The following CALCRL variants were observed in gnomAD, a reference collection of about 807,000 sequenced individuals.
The protein encoded by CALCRL is calcitonin gene-related peptide type 1 receptor.
Under a neutral mutation model 60.4 loss-of-function variants are expected in CALCRL, and 27 were observed. The ratio of observed to expected loss-of-function variants is 0.45; its 90% CI spans 0.33 to 0.62. The LOEUF (loss-of-function observed/expected upper bound fraction) is 0.62. Among genes scored for constraint, CALCRL ranks in the 20% least tolerant of loss-of-function variants. The pLI, the probability that CALCRL is intolerant of heterozygous loss-of-function variation, is 0.03. For synonymous variants in CALCRL, 190 were observed against 182.6 expected, an observed-to-expected ratio of 1.04 and a Z score of -0.33; for missense variants, 424 against 540.7, an observed-to-expected ratio of 0.78 and a Z score of 2.14.
At chr2:187,369,057 C>A (rs750143228) in intron 8 of CALCRL, among the ~76,000 whole-genome samples, 1 of 152,168 alleles carries the variant, frequency 6.6e-6, no homozygotes, top group Non-Finnish European at 1.5e-5. Context: ...AGTATTTCAA[C>A]CAAGGTGCTC....
chr2:187,366,401 A>G (rs1687295100), intron 8 of CALCRL, among the ~76,000 whole-genome samples: 2 of 152,026 alleles, frequency 1.3e-5, no homozygotes, highest in Admixed American at 1.3e-4. Flanking sequence ...AAAGATAGCT[A>G]GAAGAAGAAT....
chr2:187,350,897 T>C (rs542270109), intron 14 of CALCRL, among the ~76,000 whole-genome samples: 1 of 151,738 alleles, frequency 6.6e-6, no homozygotes, highest in Non-Finnish European at 1.5e-5. Context: ...GCCAAAATCC[T>C]CCTACAGGTT....
chr2:187,434,983 G>A, intron 1 of CALCRL, among the ~76,000 whole-genome samples: 1 of 152,178 alleles, frequency 6.6e-6, no homozygotes, highest in East Asian at 1.9e-4. Flanking sequence ...ACAAGCTTAG[G>A]ATAAAGGTTT....
chr2:187,382,860 A>G (rs1688036625), intron 5 of CALCRL, among the ~76,000 whole-genome samples: 1 of 152,174 alleles, frequency 6.6e-6, no homozygotes, highest in South Asian at 2.1e-4. Flanking sequence ...ACACAATTAC[A>G]TAAACTGAAA....
chr2:187,374,916 G>A (rs1687682758), intron 8 of CALCRL, among the ~76,000 whole-genome samples: 1 of 152,036 alleles, frequency 6.6e-6, no homozygotes, highest in African/African-American at 2.4e-5. Flanking sequence ...CATACTATTA[G>A]CAAGTAGTGA....
intron 1 of CALCRL, among the ~76,000 whole-genome samples, chr2:187,424,136 A>G (rs936880687): frequency 6.6e-6 from 1 of 151,870 alleles, no homozygotes; most frequent in African/African-American, 2.4e-5. Flanking sequence ...AAAACAGCCT[A>G]AAAAAAATAA....
At position 187,405,960 on chromosome 2, in the gene CALCRL, G is replaced by GGTGT. The variant is rs3079520; in HGVS notation, c.-292-18208_-292-18205dup. Among the ~76,000 whole-genome samples, 673 of 146,708 alleles carry GGTGT rather than the reference G, an allele frequency of 4.6e-3. 2 individuals carry two copies. The highest frequency in any genetic ancestry group is 0.01 in the Middle Eastern group (3 of 290). On this transcript the variant is annotated intron_variant, in intron 1 of 14. Coordinates refer to ENST00000392370, the MANE Select transcript of CALCRL (RefSeq NM_005795.6). Reference sequence around the variant, plus strand: ...TATACCTGTGTTGTCTGTATGTAGGGGTGTGTGTGTGTGTGTGTGTGTGTG... The same window carrying GGTGT: ...TATACCTGTGTTGTCTGTATGTAGGGGTGTGTGTGTGTGTGTGTGTGTGTGTGTG...
At chr2:187,379,614 G>A (rs6727798) in intron 7 of CALCRL, among the ~76,000 whole-genome samples, 2,987 of 152,082 alleles carry the variant, frequency 0.02, 100 homozygotes, top group African/African-American at 0.067. Context: ...TTGTGTATTT[G>A]TATAATTCTC....
intron 1 of CALCRL, 73 bp downstream of exon 1, chr2:187,447,966 A>G (rs556180814): frequency 3.3e-5 from 5 of 152,122 alleles, no homozygotes; most frequent in African/African-American, 4.8e-5. Context: ...ACTAAATTCT[A>G]TAATAGAAAC....
chr2:187,412,445 ATC>A (rs1293797025), intron 1 of CALCRL, among the ~76,000 whole-genome samples: 1 of 152,158 alleles, frequency 6.6e-6, no homozygotes, highest in Non-Finnish European at 1.5e-5. Context: ...AAATTCGCTT[ATC>A]TCTCTGACTC....
intron 1 of CALCRL, among the ~76,000 whole-genome samples, chr2:187,429,055 G>C (rs1244246650): frequency 6.6e-6 from 1 of 151,876 alleles, no homozygotes; most frequent in East Asian, 1.9e-4. Flanking sequence ...AAATTTATAA[G>C]TTAATATCTT....
chr2:187,383,581 G>A (rs1305342852), intron 4 of CALCRL, among the ~76,000 whole-genome samples: 3 of 152,094 alleles, frequency 2.0e-5, no homozygotes, highest in Non-Finnish European at 4.4e-5. Flanking sequence ...GCCAGCTCCA[G>A]GACATTCCTT....
At chr2:187,405,153 A>G (rs1222782549) in intron 1 of CALCRL, among the ~76,000 whole-genome samples, 3 of 152,028 alleles carry the variant, frequency 2.0e-5, no homozygotes, top group African/African-American at 7.2e-5. Context: ...AGGACTAGGA[A>G]GTGATAACTG....
chr2:187,447,467 G>A (rs1032154701), intron 1 of CALCRL, among the ~76,000 whole-genome samples: 6 of 151,496 alleles, frequency 4.0e-5, no homozygotes, highest in Non-Finnish European at 8.8e-5. Context: ...TGGCAACAAT[G>A]AACACAAAAA....
chr2:187,371,528 TACA>T (rs1574238593), intron 8 of CALCRL, among the ~76,000 whole-genome samples: 1 of 152,072 alleles, frequency 6.6e-6, no homozygotes, highest in East Asian at 1.9e-4. Flanking sequence ...TCAAAACAGG[TACA>T]ACATCAGAGT....
chr2:187,369,373 G>A (rs1687427917), intron 8 of CALCRL, among the ~76,000 whole-genome samples: 1 of 152,052 alleles, frequency 6.6e-6, no homozygotes, highest in Admixed American at 6.5e-5. Flanking sequence ...AATAATAGCA[G>A]CCACGATTTT....
chr2:187,365,879 A>T (rs1687253987), intron 8 of CALCRL, among the ~76,000 whole-genome samples: 1 of 152,212 alleles, frequency 6.6e-6, no homozygotes, highest in Admixed American at 6.5e-5. Context: ...AAGTAGAACT[A>T]GAGGCTGGAA....
chr2:187,358,253 G>A (rs1203636936), intron 12 of CALCRL, among the ~76,000 whole-genome samples: 2 of 151,996 alleles, frequency 1.3e-5, no homozygotes, highest in Non-Finnish European at 2.9e-5. Context: ...CTTCTCAAGA[G>A]CCTGAGGTGG....
chr2:187,381,000 A>G (rs1160393196), intron 5 of CALCRL, among the ~76,000 whole-genome samples: 1 of 152,068 alleles, frequency 6.6e-6, no homozygotes, highest in Non-Finnish European at 1.5e-5. Flanking sequence ...ATTTAAAAAT[A>G]TCTAAATATA....
Sources: gnomAD v4.1 joint callset for allele counts (sites outside exome capture counted in the v4.1 genomes callset) on GRCh38, gnomAD v4.1.1 for gene constraint, MANE v1.5 for transcripts, NCBI Gene and HGNC (gene_info 2026-07-23, HGNC 2026-07-21) for gene names.